Variants in VPS13B observed in about 807,000 individuals in gnomAD.
VPS13B encodes the protein intermembrane lipid transfer protein VPS13B.
VPS13B carries 285 observed loss-of-function variants against 426.4 expected under a neutral mutation model. That is an observed-to-expected ratio of 0.67 (90% CI 0.61 to 0.74). VPS13B has a LOEUF of 0.74. VPS13B is among the 30% of genes least tolerant of loss of function. The pLI is 0.00. For synonymous variants in VPS13B, 1,676 were observed against 1,676.4 expected, an observed-to-expected ratio of 1.00 and a Z score of 0.01; for missense variants, 4,537 against 4,782.6, an observed-to-expected ratio of 0.95 and a Z score of 1.51.
chr8:99,725,211 G>C (rs915064053), intron 39 of VPS13B, among the ~76,000 whole-genome samples: 6 of 152,070 alleles, frequency 3.9e-5, no homozygotes, highest in South Asian at 4.1e-4. Flanking sequence ...TCCCCATCTT[G>C]TGTCTCTCCT....
intron 19 of VPS13B, among the ~76,000 whole-genome samples, chr8:99,287,564 A>G (rs1440836313): frequency 6.6e-6 from 1 of 152,014 alleles, no homozygotes; most frequent in Admixed American, 6.6e-5. Context: ...AAAAGATAAA[A>G]ATCTAAAATA....
At chr8:99,169,128 T>C (rs1015574828) in intron 15 of VPS13B, among the ~76,000 whole-genome samples, 1 of 152,016 alleles carries the variant, frequency 6.6e-6, no homozygotes, top group Non-Finnish European at 1.5e-5. Flanking sequence ...TCTAGAGATA[T>C]GGAAGTCAGT....
chr8:99,179,307 A>C (rs143656714), intron 16 of VPS13B, among the ~76,000 whole-genome samples: 49 of 152,288 alleles, frequency 3.2e-4, no homozygotes, highest in Non-Finnish European at 6.0e-4. Flanking sequence ...TGGAAGATCT[A>C]ATTATGACCT....
chr8:99,777,105 G>T (rs768525214), intron 41 of VPS13B, 149 bp downstream of exon 41: 6 of 916,170 alleles, frequency 6.5e-6, no homozygotes, highest in Non-Finnish European at 1.0e-5. Flanking sequence ...GGGTTGACTT[G>T]GCAAAACAGG....
intron 5 of VPS13B, among the ~76,000 whole-genome samples, chr8:99,105,240 C>T (rs1484941115): frequency 6.6e-6 from 1 of 152,158 alleles, no homozygotes; most frequent in Non-Finnish European, 1.5e-5. Context: ...TTAATGCCTC[C>T]TTTGCATCTT....
chr8:99,268,095 C>T (rs761979527), intron 17 of VPS13B, among the ~76,000 whole-genome samples: 1 of 152,300 alleles, frequency 6.6e-6, no homozygotes. Flanking sequence ...TGAGAGTACA[C>T]AGAAGACAAA....
At chr8:99,241,682 T>C (rs1222790563) in intron 17 of VPS13B, among the ~76,000 whole-genome samples, 1 of 152,212 alleles carries the variant, frequency 6.6e-6, no homozygotes, top group African/African-American at 2.4e-5. Flanking sequence ...AAGCCAGTTA[T>C]TCAAAAGAAC....
chr8:99,216,543 A>C (rs1815402100), intron 17 of VPS13B, among the ~76,000 whole-genome samples: 1 of 151,964 alleles, frequency 6.6e-6, no homozygotes, highest in African/African-American at 2.4e-5. Context: ...GGAGGAGAAT[A>C]GGGGAGTGCT....
intron 14 of VPS13B, 148 bp downstream of exon 14, chr8:99,148,158 A>G: frequency 1.2e-6 from 1 of 863,002 alleles, no homozygotes; most frequent in East Asian, 2.8e-5. Flanking sequence ...CAGGATGCAC[A>G]CTTGAGGCCA....
intron 19 of VPS13B, among the ~76,000 whole-genome samples, chr8:99,358,650 G>A (rs1223359004): frequency 6.6e-6 from 1 of 152,148 alleles, no homozygotes; most frequent in African/African-American, 2.4e-5. Flanking sequence ...GTTTCAGTTG[G>A]TATTCACTCT....
At chr8:99,242,331 A>G (rs1588167942) in intron 17 of VPS13B, among the ~76,000 whole-genome samples, 1 of 152,194 alleles carries the variant, frequency 6.6e-6, no homozygotes, top group African/African-American at 2.4e-5. Context: ...CAGTTGAATC[A>G]TTTTCAAAAA....
chr8:99,526,486 G>A (rs1217076186), intron 30 of VPS13B, among the ~76,000 whole-genome samples: 2 of 152,176 alleles, frequency 1.3e-5, no homozygotes, highest in Non-Finnish European at 2.9e-5. Flanking sequence ...TAGCTGTGGA[G>A]GTGGTGAGAA....
chr8:99,527,153 G>A (rs751529648), intron 30 of VPS13B, among the ~76,000 whole-genome samples: 7 of 151,716 alleles, frequency 4.6e-5, no homozygotes, highest in Non-Finnish European at 1.0e-4. Flanking sequence ...CTCTGTATCC[G>A]AGTTTGCTCT....
At chr8:99,740,765 G>C (rs1476301125) in intron 39 of VPS13B, among the ~76,000 whole-genome samples, 2 of 152,096 alleles carry the variant, frequency 1.3e-5, no homozygotes, top group Non-Finnish European at 2.9e-5. Context: ...ATACAGACAA[G>C]CAAATGCTGA....
At chr8:99,198,425 A>G (rs573721821) in intron 17 of VPS13B, among the ~76,000 whole-genome samples, 10 of 152,178 alleles carry the variant, frequency 6.6e-5, no homozygotes, top group Admixed American at 1.3e-4. Context: ...TCATGAAATT[A>G]TTATTTGCTT....
rs566162342 is a variant in VPS13B, at chr8:99,779,436, C to T, written c.7779+405C>T. ...GTGACCCTTTCTAATGATAAGCATT[C>T]GATCTTTTCAAACAAACAAACAAAA... On this transcript the variant is annotated intron_variant, in intron 42 of 61. Coordinates refer to ENST00000357162, the MANE Select transcript of VPS13B (RefSeq NM_152564.5). Among the ~76,000 whole-genome samples, 4 of 152,128 alleles carry T rather than the reference C, an allele frequency of 2.6e-5. No homozygotes were observed. In the East Asian group the frequency reaches 7.7e-4, roughly 29 times the overall value.
chr8:99,312,413 C>T (rs1331340360), intron 19 of VPS13B, among the ~76,000 whole-genome samples: 1 of 152,126 alleles, frequency 6.6e-6, no homozygotes, highest in Non-Finnish European at 1.5e-5. Context: ...TGTTTTATTT[C>T]TCCTTCACTT....
chr8:99,082,223 T>C (rs749064823), intron 3 of VPS13B, among the ~76,000 whole-genome samples: 1 of 152,132 alleles, frequency 6.6e-6, no homozygotes, highest in Admixed American at 6.5e-5. Context: ...TGATGATGAG[T>C]ATGTTTTCAT....
At chr8:99,318,376 A>G (rs1337780543) in intron 19 of VPS13B, among the ~76,000 whole-genome samples, 1 of 152,192 alleles carries the variant, frequency 6.6e-6, no homozygotes, top group Non-Finnish European at 1.5e-5. Flanking sequence ...TAGCCTCTTT[A>G]TGGTACTTCC....
Sources: gnomAD v4.1 joint callset for allele counts (sites outside exome capture counted in the v4.1 genomes callset) on GRCh38, gnomAD v4.1.1 for gene constraint, MANE v1.5 for transcripts, NCBI Gene and HGNC (gene_info 2026-07-23, HGNC 2026-07-21) for gene names.